RTEL1: variants seen among roughly 807,000 people sequenced by gnomAD.
RTEL1 encodes the protein regulator of telomere elongation helicase 1, also known as regulator of telomere length.
In RTEL1, 86 loss-of-function variants were observed where a neutral mutation model predicts 162.2. That is an observed-to-expected ratio of 0.53 (90% CI 0.45 to 0.63). The LOEUF is 0.63. RTEL1 is among the 30% of genes least tolerant of loss of function. The pLI, the probability that RTEL1 is intolerant of heterozygous loss-of-function variation, is 0.00. For synonymous variants in RTEL1, 958 were observed against 717.9 expected (o/e 1.33, Z -5.35); for missense variants, 1,941 against 1,750.2 (o/e 1.11, Z -1.95).
chr20:63,678,076 G>C, intron 10 of RTEL1, 69 bp from the exon 11 acceptor site: 1 of 1,578,820 alleles, frequency 6.3e-7, no homozygotes, highest in Non-Finnish European at 8.7e-7. Flanking sequence ...CAGGAATCCT[G>C]GTTCTCAAGG....
Position 63,680,697 on chromosome 20 carries a change from A to G in RTEL1, c.1169A>G (p.Gln390Arg). The change falls in exon 14 of 35, where the codon CAG (glutamine) becomes CGG (arginine). Residue 390 changes from glutamine (Q) to arginine (R), a missense_variant. Gln to Arg is a conservative substitution (Grantham distance 43, BLOSUM62 1). Coordinates refer to ENST00000360203, the MANE Select transcript of RTEL1 (RefSeq NM_001283009.2). ...AGVFTNTAGL[Q>R]KLADIIQIVF... ...GTGTTCACCAACACGGCCGGACTGCAGAAGCTGGCGGACATTATCCAGGTG... is the reference window on the plus strand; with the variant it reads ...GTGTTCACCAACACGGCCGGACTGCGGAAGCTGGCGGACATTATCCAGGTG... The G allele has an allele frequency of 1.9e-6, 3 of 1,613,386 alleles. No homozygotes were observed. The highest frequency in any genetic ancestry group is 2.5e-6 in the Non-Finnish European group (3 of 1,179,982).
intron 10 of RTEL1, among the ~76,000 whole-genome samples, chr20:63,675,674 C>T (rs756250297): frequency 1.3e-5 from 2 of 152,188 alleles, no homozygotes; most frequent in African/African-American, 2.4e-5. Context: ...CCACTGCCAC[C>T]GGCTCTCAAG....
chr20:63,680,619 C>T, intron 13 of RTEL1, 45 bp from the exon 14 acceptor site: 4 of 1,605,842 alleles, frequency 2.5e-6, no homozygotes, highest in Non-Finnish European at 3.4e-6. Flanking sequence ...GGGTCGGGGC[C>T]TCCCCTGCCT....
In RTEL1 at chr20:63,685,810, C is replaced by T. The variant is rs149428839; in HGVS notation, c.1286C>T (p.Ala429Val). 48 of 1,612,398 alleles carry T rather than the reference C, an allele frequency of 3.0e-5. No individual in the cohort carries two copies. The highest frequency in any genetic ancestry group is 4.1e-5 in the Non-Finnish European group (48 of 1,179,862). Residue 429 changes from alanine to valine, a missense_variant, in exon 16 of 35, where the codon GCT becomes GTT. Transcript: ENST00000360203. ...CTCCAGGTGCACATCCATCCTGATG[C>T]TGGTCACCGGAGGACGGCTCAGCGG... ...QSYKVHIHPDAGHRRTAQRSD... is the reference protein window; with the variant it reads ...QSYKVHIHPDVGHRRTAQRSD...
In RTEL1 at chr20:63,661,609, AAGG is replaced by A. The variant is rs1279872224; in HGVS notation, c.301+116_301+118del. 1.7e-6 allele frequency: 2 copies of A among 1,161,260 alleles called. No individual in the cohort carries two copies. Among genetic ancestry groups the A allele is most frequent in the African/African-American group, 1.5e-5 (1 of 64,682 alleles). 71.9% of individuals were successfully genotyped at this position (1,161,260 alleles called of 1,614,324 possible). On this transcript the variant is annotated intron_variant, in intron 3 of 34. Transcript: ENST00000360203. This position sits in a 1 kb window ranked among gnomAD's most constrained non-coding sequence, Gnocchi z 5.1. Reference sequence around the variant, plus strand: ...TCCTGCCGTCTCTCAAGCAGAACTCAAGGAGAATTTTTTAGCTGCTGTATAATT... The same window carrying A: ...TCCTGCCGTCTCTCAAGCAGAACTCAAGAATTTTTTAGCTGCTGTATAATT...
At chr20:63,662,352 G>A in intron 4 of RTEL1, 194 bp from the exon 5 acceptor site, 1 of 1,111,150 alleles carries the variant, frequency 9.0e-7, no homozygotes, top group Non-Finnish European at 1.3e-6. Context: ...TGTGGAAGCT[G>A]TCGAATCTCC....
chr20:63,670,722 G>A (rs1459988424), intron 8 of RTEL1, among the ~76,000 whole-genome samples: 3 of 151,820 alleles, frequency 2.0e-5, no homozygotes, highest in African/African-American at 4.8e-5. Context: ...AGTGGCTCAC[G>A]CCTGTAATCC....
intron 6 of RTEL1, among the ~76,000 whole-genome samples, 180 bp from the exon 7 acceptor site, chr20:63,665,824 G>A (rs1478946475): frequency 6.6e-6 from 1 of 152,204 alleles, no homozygotes; most frequent in African/African-American, 2.4e-5. Flanking sequence ...GATCACTCGG[G>A]TGGGGGCCTC....
At chr20:63,676,649 G>A (rs184273463) in intron 10 of RTEL1, among the ~76,000 whole-genome samples, 147 of 152,280 alleles carry the variant, frequency 9.7e-4, no homozygotes, top group African/African-American at 3.1e-3. Context: ...CAAATGCTGG[G>A]GGTGGGCCGG....
At chr20:63,677,770 C>T (rs112643097) in intron 10 of RTEL1, among the ~76,000 whole-genome samples, 68 of 113,116 alleles carry the variant, frequency 6.0e-4, no homozygotes, top group South Asian at 1.3e-3. Flanking sequence ...TTGGCCTGCA[C>T]GGATTCTGTG....
chr20:63,675,485 C>G (rs781702942), intron 10 of RTEL1, among the ~76,000 whole-genome samples: 59 of 144,980 alleles, frequency 4.1e-4, no homozygotes, highest in Non-Finnish European at 6.3e-4. Context: ...ATCAGGTGTT[C>G]TGGCTTTAGA....
At position 63,685,886 on chromosome 20, in the gene RTEL1, C is replaced by T. The variant is rs1183912815; in HGVS notation, c.1348+14C>T. On this transcript the variant is annotated intron_variant, in intron 16 of 34. Transcript: ENST00000360203. Reference sequence around the variant, plus strand: ...CCAGAAAGCGAGGTACAGACCTGGGCCCACACGCTCCCCGCCCGCCCGGGT... The same window carrying T: ...CCAGAAAGCGAGGTACAGACCTGGGTCCACACGCTCCCCGCCCGCCCGGGT... 2 of 1,609,316 alleles carry T rather than the reference C, an allele frequency of 1.2e-6. No individual in the cohort carries two copies. The highest frequency in any genetic ancestry group is 2.2e-5 in the East Asian group (1 of 44,776).
Position 63,672,558 on chromosome 20 carries a change from C to T in RTEL1, c.702C>T (p.Ser234=). 6.3e-7 allele frequency: 1 copy of T among 1,577,978 alleles called. No individual in the cohort carries two copies. The highest frequency in any genetic ancestry group is 1.7e-4 in the Middle Eastern group (1 of 5,980). The part of the protein sequence containing the change: ...MPYNYLLDAK[S]RRAHNIDLKG... ...CGTCCCTTCTCTTCCTCCTGTAGAGCCGCAGAGCACACAACATTGACCTGA... is the reference window on the plus strand; with the variant it reads ...CGTCCCTTCTCTTCCTCCTGTAGAGTCGCAGAGCACACAACATTGACCTGA... Residue 234 remains serine, a splice_region_variant and synonymous_variant, in exon 9 of 35, where the codon AGC becomes AGT. Coordinates refer to ENST00000360203, the MANE Select transcript of RTEL1 (RefSeq NM_001283009.2).
Position 63,693,125 on chromosome 20 carries a change from A to AC in RTEL1, c.2852-17dup. The AC allele has an allele frequency of 6.2e-7, 1 of 1,612,184 alleles. No homozygotes were observed. The highest frequency in any genetic ancestry group is 8.5e-7 in the Non-Finnish European group (1 of 1,179,584). Reference sequence around the variant, plus strand: ...GAGAAAAAGGGGCAGATGGGGACAGACGCCCCTTCCTCTACAGGCTTCTAC... The same window carrying AC: ...GAGAAAAAGGGGCAGATGGGGACAGACCGCCCCTTCCTCTACAGGCTTCTAC... On this transcript the variant is annotated splice_polypyrimidine_tract_variant and intron_variant, in intron 29 of 34. Transcript: ENST00000360203.
chr20:63,693,621 AC>A (rs2090869619), intron 30 of RTEL1, among the ~76,000 whole-genome samples: 1 of 19,828 alleles, frequency 5.0e-5, no homozygotes, highest in East Asian at 1.1e-3. Context: ...CTCCACCTCC[AC>A]CACCACCTCC....
rs375626439 is a variant in RTEL1, at chr20:63,661,359, C to T, written c.164C>T (p.Thr55Ile). 6.2e-6 allele frequency: 10 copies of T among 1,613,404 alleles called. No individual in the cohort carries two copies. In the African/African-American group the frequency reaches 1.3e-4, roughly 22 times the overall value. Residue 55 changes from threonine to isoleucine, a missense_variant, in exon 3 of 35, where the codon ACC (threonine) becomes ATC (isoleucine). Physicochemically the swap from Thr to Ile is moderately conservative, Grantham distance 89 (BLOSUM62 -1). Coordinates refer to ENST00000360203, the MANE Select transcript of RTEL1 (RefSeq NM_001283009.2). This position sits in a 1 kb window ranked among gnomAD's most constrained non-coding sequence, Gnocchi z 5.1. ...GTGKTLCLLC[T>I]TLAWREHLRD... is the part of the protein sequence containing the mutation. Reference sequence around the variant, plus strand: ...GGGAAGACGCTGTGCCTGCTGTGCACCACGCTGGCCTGGCGAGAACACCTC... The same window carrying T: ...GGGAAGACGCTGTGCCTGCTGTGCATCACGCTGGCCTGGCGAGAACACCTC...
rs1457027019 is a variant in RTEL1, at chr20:63,688,856, T to C, written c.1801-199T>C. 6.1e-6 allele frequency: 4 copies of C among 658,816 alleles called. No homozygotes were observed. The African/African-American group carries it at 7.3e-5, about 12-fold the overall frequency. 40.8% of individuals were successfully genotyped at this position (658,816 alleles called of 1,614,324 possible). A position where few individuals can be genotyped will look rare whatever the true frequency, so the allele number is the denominator to read the frequency against. On this transcript the variant is annotated intron_variant, in intron 21 of 34. Coordinates refer to ENST00000360203, the MANE Select transcript of RTEL1 (RefSeq NM_001283009.2). ...CTAGTCGGCCACCCTGGCCCTGGGGTTCCCCGTGTTTTCTGGGAAGCACTG... is the reference window on the plus strand; with the variant it reads ...CTAGTCGGCCACCCTGGCCCTGGGGCTCCCCGTGTTTTCTGGGAAGCACTG...
intron 12 of RTEL1, among the ~76,000 whole-genome samples, chr20:63,679,561 C>G (rs2090439697): frequency 6.6e-6 from 1 of 152,144 alleles, no homozygotes; most frequent in Non-Finnish European, 1.5e-5. Flanking sequence ...GGCCTCCTCT[C>G]CCCACCTGGA....
chr20:63,680,876 C>A (rs911834603), intron 14 of RTEL1, 157 bp downstream of exon 14: 20 of 976,148 alleles, frequency 2.0e-5, no homozygotes, highest in Non-Finnish European at 2.4e-5. Context: ...CTTTCCAGTG[C>A]CCTAAACCCA....
Sources: allele counts gnomAD v4.1 joint callset (sites outside exome capture counted in the v4.1 genomes callset), GRCh38; gene constraint gnomAD v4.1.1; non-coding constraint Gnocchi (gnomAD v3.1); transcripts MANE v1.5; gene names NCBI Gene and HGNC (gene_info 2026-07-23, HGNC 2026-07-21).